Variants in TNFAIP6 observed in about 807,000 individuals in gnomAD.
The protein encoded by TNFAIP6 is TNF alpha induced protein 6.
Under a neutral mutation model 33.7 loss-of-function variants are expected in TNFAIP6, and 36 were observed. That is an observed-to-expected ratio of 1.07 (90% confidence interval 0.82 to 1.41). The LOEUF (loss-of-function observed/expected upper bound fraction) is 1.41, where lower values mean the gene tolerates loss of function less well. TNFAIP6 is among the 40% of genes most tolerant of loss of function. TNFAIP6 has a pLI of 0.00. For missense variants in TNFAIP6, 273 were observed against 331.9 expected (o/e 0.82, Z 1.38); for synonymous variants, 113 against 112.8 (o/e 1.00, Z -0.01).
At chr2:151,365,377 G>A (rs1010746934) in intron 2 of TNFAIP6, among the ~76,000 whole-genome samples, 2 of 152,076 alleles carry the variant, frequency 1.3e-5, no homozygotes, top group Non-Finnish European at 2.9e-5. Flanking sequence ...GGTGGTTCAT[G>A]CCTGTAATCC....
rs1487580979 is a variant in TNFAIP6 at position 151,366,089 on chromosome 2, A to G, written c.266A>G (p.Lys89Arg). ...FHVCAAGWMA[K>R]GRVGYPIVKP... ...GTCTGTGCTGCTGGATGGATGGCTA[A>G]GGGCAGAGTTGGATACCCCATTGTG... The change falls in exon 3 of 6, where the codon AAG becomes AGG. Residue 89 changes from lysine to arginine, a missense_variant. By Grantham distance (26) the Lys-to-Arg change is conservative. Coordinates refer to ENST00000243347, the MANE Select transcript of TNFAIP6 (RefSeq NM_007115.4). The G allele has an allele frequency of 1.2e-6, 2 of 1,614,040 alleles. No homozygotes were observed. The highest frequency in any genetic ancestry group is 2.7e-5 in the African/African-American group (2 of 74,926).
intron 5 of TNFAIP6, among the ~76,000 whole-genome samples, chr2:151,374,052 A>AT (rs1171331873): frequency 6.6e-6 from 1 of 152,216 alleles, no homozygotes; most frequent in African/African-American, 2.4e-5. Flanking sequence ...GTTCTGTGAG[A>AT]TTTAAATAGA....
intron 3 of TNFAIP6, 69 bp from the exon 4 acceptor site, chr2:151,369,951 C>T (rs1684785447): frequency 1.7e-6 from 2 of 1,209,978 alleles, no homozygotes; most frequent in African/African-American, 1.5e-5. Flanking sequence ...TAAGAAATGT[C>T]ATTTTTAACA....
In TNFAIP6 at chr2:151,379,346, C is replaced by T. The variant is rs1684974911; in HGVS notation, c.665-18C>T. ...GGAGAGTAACATCTTTGTTCTTTTG[C>T]CTCCTTCCCCGCAACAGGAAATGTC... On this transcript the variant is annotated intron_variant, in intron 5 of 5. Coordinates refer to ENST00000243347, the MANE Select transcript of TNFAIP6 (RefSeq NM_007115.4). The T allele has an allele frequency of 1.3e-6, 2 of 1,573,262 alleles. No individual in the cohort carries two copies. Among genetic ancestry groups the T allele is most frequent in the Non-Finnish European group, 1.7e-6 (2 of 1,166,152 alleles).
intron 3 of TNFAIP6, among the ~76,000 whole-genome samples, chr2:151,369,617 A>G (rs1402530282): frequency 1.3e-5 from 2 of 152,220 alleles, no homozygotes; most frequent in Middle Eastern, 3.4e-3. Flanking sequence ...CACACAAAAA[A>G]AATAAAAATT....
At chr2:151,379,195 C>T (rs1684972834) in intron 5 of TNFAIP6, among the ~76,000 whole-genome samples, 169 bp from the exon 6 acceptor site, 1 of 152,156 alleles carries the variant, frequency 6.6e-6, no homozygotes, top group Non-Finnish European at 1.5e-5. Context: ...CACCCTGTTC[C>T]ATGCGGCAAT....
chr2:151,370,858 G>C (rs765267300), intron 4 of TNFAIP6, among the ~76,000 whole-genome samples: 1 of 152,166 alleles, frequency 6.6e-6, no homozygotes, highest in Non-Finnish European at 1.5e-5. Flanking sequence ...ATTACCTGAG[G>C]TCAGGAGTTC....
At position 151,370,265 on chromosome 2, in the gene TNFAIP6, A is replaced by G. The variant is rs1684793409; in HGVS notation, c.623+17A>G. ...TGTGGGAAGGTACGTATGGGTCCCC[A>G]TACAGGAAGTTAAATGAACGTCCAG... On this transcript the variant is annotated intron_variant, in intron 4 of 5. Coordinates refer to ENST00000243347, the MANE Select transcript of TNFAIP6 (RefSeq NM_007115.4). 1.3e-6 allele frequency: 2 copies of G among 1,576,302 alleles called. No homozygotes were observed. Among genetic ancestry groups the G allele is most frequent in the Non-Finnish European group, 1.7e-6 (2 of 1,147,578 alleles).
At chr2:151,362,978 CTT>C (rs927160997) in intron 1 of TNFAIP6, among the ~76,000 whole-genome samples, 3 of 152,152 alleles carry the variant, frequency 2.0e-5, no homozygotes, top group Non-Finnish European at 2.9e-5. Flanking sequence ...AAAGCCAAAA[CTT>C]TATCACCTGT....
intron 3 of TNFAIP6, among the ~76,000 whole-genome samples, chr2:151,369,054 G>T (rs10210009): frequency 3.3e-5 from 5 of 152,034 alleles, no homozygotes; most frequent in African/African-American, 7.3e-5. Flanking sequence ...TTAGCCAGAC[G>T]TGGTGGCTCA....
chr2:151,370,442 C>T (rs1409007979), intron 4 of TNFAIP6, among the ~76,000 whole-genome samples, 194 bp downstream of exon 4: 3 of 150,076 alleles, frequency 2.0e-5, no homozygotes, highest in African/African-American at 7.6e-5. Flanking sequence ...AGTGAGAGTG[C>T]CTTTTGATTA....
At chr2:151,378,236 A>C (rs1684952645) in intron 5 of TNFAIP6, among the ~76,000 whole-genome samples, 2 of 152,236 alleles carry the variant, frequency 1.3e-5, no homozygotes, top group South Asian at 4.2e-4. Flanking sequence ...CTTTTTGAAA[A>C]AGATATAAAT....
At chr2:151,362,737 G>T (rs564390982) in intron 1 of TNFAIP6, among the ~76,000 whole-genome samples, 56 of 152,098 alleles carry the variant, frequency 3.7e-4, no homozygotes, top group Non-Finnish European at 6.5e-4. Context: ...TGATCCGCCC[G>T]CCTCGGCCTC....
rs181847330 is a variant in TNFAIP6 at position 151,375,239 on chromosome 2, C to A, written c.664+1650C>A. Among the ~76,000 whole-genome samples the A allele has an allele frequency of 3.6e-3, 516 of 142,048 alleles. 3 individuals are homozygous for A. The highest frequency in any genetic ancestry group is 6.3e-3 in the Non-Finnish European group (417 of 65,890). The allele number at this position is 142,048 out of a possible 152,430, so 93.2% of individuals were successfully genotyped here. A position where few individuals can be genotyped will look rare whatever the true frequency, so the allele number is the denominator to read the frequency against. ...TGGTGGGGTTTTATTGGCACAACTT[C>A]AAGAAACTGGGAAAAAAAAAACCCA... On this transcript the variant is annotated intron_variant, in intron 5 of 5. Coordinates refer to ENST00000243347, the MANE Select transcript of TNFAIP6 (RefSeq NM_007115.4).
rs1684980304 is a variant in TNFAIP6, at chr2:151,379,592, CTTTGA to C, written c.*61_*65del. 8.4e-7 allele frequency: 1 copy of C among 1,183,878 alleles called. No homozygotes were observed. 73.3% of individuals were successfully genotyped at this position (1,183,878 alleles called of 1,614,324 possible). On this transcript the variant is annotated 3_prime_UTR_variant, in exon 6 of 6. Transcript: ENST00000243347. ...TTTATGTTGGAATCTTTTGGAACTC[CTTTGA>C]TCTCACTGTTATTATTAACATTTAT...
At chr2:151,365,062 CATT>C (rs1006316720) in intron 2 of TNFAIP6, among the ~76,000 whole-genome samples, 7 of 152,160 alleles carry the variant, frequency 4.6e-5, no homozygotes, top group Admixed American at 3.9e-4. Context: ...TCTTCTAAAA[CATT>C]ATGAATATCT....
chr2:151,371,044 C>G (rs1230233925), intron 4 of TNFAIP6, among the ~76,000 whole-genome samples: 1 of 151,592 alleles, frequency 6.6e-6, no homozygotes, highest in Non-Finnish European at 1.5e-5. Flanking sequence ...GCACTCTAGC[C>G]TGGGTGACAG....
chr2:151,376,241 C>G (rs1029037041), intron 5 of TNFAIP6, among the ~76,000 whole-genome samples: 2 of 151,732 alleles, frequency 1.3e-5, no homozygotes, highest in African/African-American at 4.8e-5. Flanking sequence ...GTAAGATTCC[C>G]TTTCAAAAAA....
At chr2:151,369,618 A>G (rs180684624) in intron 3 of TNFAIP6, among the ~76,000 whole-genome samples, 1 of 152,232 alleles carries the variant, frequency 6.6e-6, no homozygotes, top group Admixed American at 6.5e-5. Context: ...ACACAAAAAA[A>G]ATAAAAATTA....
Sources: allele counts gnomAD v4.1 joint callset (sites outside exome capture counted in the v4.1 genomes callset), GRCh38; gene constraint gnomAD v4.1.1; transcripts MANE v1.5; gene names NCBI Gene and HGNC (gene_info 2026-07-23, HGNC 2026-07-21).